The following LRBA variants were observed in gnomAD, a reference collection of about 807,000 sequenced individuals.
LRBA encodes lipopolysaccharide-responsive and beige-like anchor protein.
Under a neutral mutation model 330.0 loss-of-function variants are expected in LRBA, and 176 were observed. That is an observed-to-expected ratio of 0.53 (90% confidence interval 0.47 to 0.60). The LOEUF (loss-of-function observed/expected upper bound fraction) is 0.60, where lower values mean the gene tolerates loss of function less well. LRBA is among the 20% of genes least tolerant of loss of function. The pLI, the probability that LRBA is intolerant of heterozygous loss-of-function variation, is 0.00. For missense variants in LRBA, 3,259 were observed against 3,444.8 expected, an observed-to-expected ratio of 0.95 and a Z score of 1.35; for synonymous variants, 1,230 against 1,193.0, an observed-to-expected ratio of 1.03 and a Z score of -0.64.
chr4:150,842,016 G>T (rs893167231), intron 28 of LRBA, among the ~76,000 whole-genome samples: 1 of 152,110 alleles, frequency 6.6e-6, no homozygotes, highest in African/African-American at 2.4e-5. Flanking sequence ...ACTCTAGCAT[G>T]TAAAATATAG....
chr4:150,970,556 T>TGTGTGTAC (rs1166996824), intron 2 of LRBA: 35 of 41,688 alleles, frequency 8.4e-4, no homozygotes, highest in African/African-American at 2.3e-3. Context: ...TGTGTGTGTG[T>TGTGTGTAC]ACACACACAC....
chr4:150,467,023 T>A (rs1252419163), intron 44 of LRBA, among the ~76,000 whole-genome samples: 1 of 152,044 alleles, frequency 6.6e-6, no homozygotes, highest in African/African-American at 2.4e-5. Flanking sequence ...GGGTTAAGAC[T>A]AGAGTGCCTG....
chr4:150,900,506 A>G (rs1730604135), intron 13 of LRBA, among the ~76,000 whole-genome samples: 1 of 152,210 alleles, frequency 6.6e-6, no homozygotes, highest in East Asian at 1.9e-4. Context: ...CCTATTTAGC[A>G]ATCAGCAATT....
chr4:150,963,285 G>A (rs1738381434), intron 2 of LRBA, among the ~76,000 whole-genome samples: 1 of 148,788 alleles, frequency 6.7e-6, no homozygotes, highest in African/African-American at 2.6e-5. Context: ...CAGCCTCCCT[G>A]CCTGATTCTC....
intron 34 of LRBA, among the ~76,000 whole-genome samples, chr4:150,790,418 A>G (rs1466117200): frequency 6.6e-6 from 1 of 152,212 alleles, no homozygotes; most frequent in Non-Finnish European, 1.5e-5. Flanking sequence ...AATAAAGATC[A>G]ATTAATGCTC....
At chr4:150,467,909 C>T in intron 43 of LRBA, 124 bp from the exon 44 acceptor site, 1 of 505,136 alleles carries the variant, frequency 2.0e-6, no homozygotes, top group South Asian at 3.3e-5. Context: ...TCTCAGTATC[C>T]ATACTTTCTC....
At chr4:150,942,612 C>T (rs1348066044) in intron 2 of LRBA, among the ~76,000 whole-genome samples, 1 of 152,116 alleles carries the variant, frequency 6.6e-6, no homozygotes, top group African/African-American at 2.4e-5. Flanking sequence ...TTCACTATTT[C>T]TTAGAATGCA....
At chr4:150,325,357 C>T (rs1733105378) in intron 49 of LRBA, among the ~76,000 whole-genome samples, 2 of 152,104 alleles carry the variant, frequency 1.3e-5, no homozygotes, top group Admixed American at 1.3e-4. Flanking sequence ...CATTTTTCTC[C>T]TCACTGTGGT....
chr4:150,775,825 A>AAAAAAAAAAG (rs1156772562), intron 34 of LRBA, among the ~76,000 whole-genome samples: 1 of 147,014 alleles, frequency 6.8e-6, no homozygotes, highest in Non-Finnish European at 1.5e-5. Flanking sequence ...AAAAAAAAAA[A>AAAAAAAAAAG]AAGACCAGCA....
chr4:150,622,686 A>ATTTTTTTTTT (rs1776415901), intron 37 of LRBA, among the ~76,000 whole-genome samples: 1 of 109,210 alleles, frequency 9.2e-6, no homozygotes, highest in African/African-American at 3.5e-5. Flanking sequence ...ACCTAAATCA[A>ATTTTTTTTTT]TCTTTTTTTT....
chr4:150,326,078 G>C (rs978782241), intron 48 of LRBA, among the ~76,000 whole-genome samples, 180 bp from the exon 49 acceptor site: 3 of 152,164 alleles, frequency 2.0e-5, no homozygotes, highest in Non-Finnish European at 4.4e-5. Context: ...TCATCATTTA[G>C]AACCGCAGAA....
In LRBA at chr4:150,905,955, T is replaced by C; in HGVS notation, c.1638A>G (p.Glu546=). The C allele has an allele frequency of 6.2e-7, 1 of 1,613,730 alleles. No homozygotes were observed. Among genetic ancestry groups the C allele is most frequent in the Non-Finnish European group, 8.5e-7 (1 of 1,179,758 alleles). The change falls in exon 13 of 57, where the codon GAA becomes GAG. Residue 546 remains glutamate, a synonymous_variant. Transcript: ENST00000651943. ...SKSHVSRAVL[E]LCLAFSKYLS... ...GATATTTTGAAAATGCAAGGCAAAG[T>C]TCAAGTACTGCTCTGCTAACATGAG... is the stretch of plus-strand genomic sequence containing the variant.
intron 48 of LRBA, among the ~76,000 whole-genome samples, chr4:150,334,182 A>C (rs1385456116): frequency 2.0e-5 from 3 of 152,280 alleles, no homozygotes; most frequent in African/African-American, 7.2e-5. Context: ...AATGCCTGAG[A>C]AATAAAATAC....
intron 40 of LRBA, among the ~76,000 whole-genome samples, chr4:150,548,602 A>G (rs1344189148): frequency 6.6e-6 from 1 of 152,140 alleles, no homozygotes; most frequent in Non-Finnish European, 1.5e-5. Flanking sequence ...AATATTAGTT[A>G]TTTACCTAAT....
intron 28 of LRBA, among the ~76,000 whole-genome samples, chr4:150,835,216 T>C (rs1029386904): frequency 5.3e-5 from 8 of 152,208 alleles, no homozygotes; most frequent in African/African-American, 1.4e-4. Flanking sequence ...AGCCTTATAG[T>C]ATAGCTTGAA....
chr4:150,724,437 G>A (rs1044406368), intron 36 of LRBA, among the ~76,000 whole-genome samples: 5 of 152,160 alleles, frequency 3.3e-5, no homozygotes, highest in Admixed American at 3.3e-4. Context: ...CAAATACCTG[G>A]AAAGCCTTCC....
chr4:150,800,981 C>T (rs564207352), intron 33 of LRBA, among the ~76,000 whole-genome samples: 1 of 152,206 alleles, frequency 6.6e-6, no homozygotes, highest in Admixed American at 6.5e-5. Context: ...AATGACTCAC[C>T]AGACAGTAAG....
chr4:151,012,800 G>A (rs1353481847), intron 2 of LRBA: 1 of 147,538 alleles, frequency 6.8e-6, no homozygotes, highest in Non-Finnish European at 1.5e-5. Context: ...TCAAAAGTAA[G>A]TGAATTTCTT....
intron 40 of LRBA, among the ~76,000 whole-genome samples, chr4:150,529,133 T>C (rs1763792271): frequency 6.6e-6 from 1 of 152,232 alleles, no homozygotes; most frequent in African/African-American, 2.4e-5. Context: ...GCAAAATCAT[T>C]AGCAGTGACT....
Sources: allele counts gnomAD v4.1 joint callset (sites outside exome capture counted in the v4.1 genomes callset), GRCh38; gene constraint gnomAD v4.1.1; transcripts MANE v1.5; gene names NCBI Gene and HGNC (gene_info 2026-07-23, HGNC 2026-07-21).